PAM: variants seen among roughly 807,000 people sequenced by gnomAD.
The protein encoded by PAM is peptidylglycine alpha-amidating monooxygenase, also known as peptidyl-glycine alpha-amidating monooxygenase.
In PAM, 72 loss-of-function variants were observed where a neutral mutation model predicts 122.1. The ratio of observed to expected loss-of-function variants is 0.59; its 90% CI spans 0.49 to 0.72. PAM has a LOEUF of 0.72. PAM is among the 30% of genes least tolerant of loss of function. PAM has a pLI of 0.00. For missense variants in PAM, 1,106 were observed against 1,183.7 expected (o/e 0.93, Z 0.96); for synonymous variants, 389 against 404.4 (o/e 0.96, Z 0.46).
At chr5:102,860,749 A>G (rs1343235963) in intron 1 of PAM, among the ~76,000 whole-genome samples, 1 of 152,114 alleles carries the variant, frequency 6.6e-6, no homozygotes, top group African/African-American at 2.4e-5. Context: ...GGGGAAAAAA[A>G]TAGTAACAGT....
intron 1 of PAM, among the ~76,000 whole-genome samples, chr5:102,854,884 A>G (rs980633960): frequency 6.6e-6 from 1 of 152,202 alleles, no homozygotes; most frequent in South Asian, 2.1e-4. Context: ...TTCATGGGGA[A>G]TTTGGGGACA....
chr5:103,007,410 G>A (rs1273220731), intron 19 of PAM, 47 bp from the exon 20 acceptor site: 1 of 1,495,288 alleles, frequency 6.7e-7, no homozygotes, highest in South Asian at 1.1e-5. Context: ...GTCAAACTTT[G>A]GGTGATTTTT....
chr5:102,814,576 T>TA (rs2150236691), intron 1 of PAM, among the ~76,000 whole-genome samples: 1 of 146,346 alleles, frequency 6.8e-6, no homozygotes, highest in Admixed American at 6.8e-5. Flanking sequence ...TATACATATA[T>TA]TGATATATAC....
chr5:102,797,245 G>A (rs1004394220), intron 1 of PAM, among the ~76,000 whole-genome samples: 2 of 152,090 alleles, frequency 1.3e-5, no homozygotes, highest in African/African-American at 4.8e-5. Context: ...GTTATTTTAT[G>A]TATCTTCTGT....
intron 7 of PAM, among the ~76,000 whole-genome samples, chr5:102,941,567 A>G (rs1043226906): frequency 6.6e-6 from 1 of 152,138 alleles, no homozygotes; most frequent in African/African-American, 2.4e-5. Context: ...ATTTGCCATG[A>G]CAGCTTAAAG....
At chr5:102,910,128 A>G (rs1800939292) in intron 4 of PAM, among the ~76,000 whole-genome samples, 1 of 151,876 alleles carries the variant, frequency 6.6e-6, no homozygotes, top group African/African-American at 2.4e-5. Flanking sequence ...GCAGACTTGG[A>G]TATCCACTTA....
intron 1 of PAM, among the ~76,000 whole-genome samples, chr5:102,833,407 A>C (rs1775993802): frequency 6.6e-6 from 1 of 152,206 alleles, no homozygotes; most frequent in Non-Finnish European, 1.5e-5. Context: ...TTGTAGAAAC[A>C]ATAAGGATAT....
At chr5:102,954,393 C>T (rs1049974933) in intron 12 of PAM, among the ~76,000 whole-genome samples, 5 of 151,626 alleles carry the variant, frequency 3.3e-5, no homozygotes, top group African/African-American at 4.8e-5. Flanking sequence ...TAAATGAGAA[C>T]ATATGATTAA....
chr5:102,938,203 C>T lies in PAM; in HGVS notation c.527-8634C>T, dbSNP rs578201993. 3.9e-5 allele frequency among the ~76,000 whole-genome samples: 6 copies of T among 152,264 alleles called. No homozygotes were observed. The East Asian group carries it at 9.7e-4, about 25-fold the overall frequency. ...CAGCCTCTTCACATAATTGTGAGCT[C>T]TCTGATTCTCTAGCTTGCTGCATTT... On this transcript the variant is annotated intron_variant, in intron 7 of 25. Coordinates refer to ENST00000438793, the MANE Select transcript of PAM (RefSeq NM_001177306.2).
intron 7 of PAM, among the ~76,000 whole-genome samples, chr5:102,934,541 C>A (rs1752630903): frequency 6.6e-6 from 1 of 152,150 alleles, no homozygotes; most frequent in Non-Finnish European, 1.5e-5. Context: ...ATGTCATCTA[C>A]CAACTCTCCT....
At position 102,880,019 on chromosome 5, in the gene PAM, G is replaced by A. The variant is rs116242261; in HGVS notation, c.210+12626G>A. Among the ~76,000 whole-genome samples the A allele has an allele frequency of 5.9e-3, 895 of 152,262 alleles. 6 individuals carry two copies. The highest frequency in any genetic ancestry group is 0.02 in the African/African-American group (833 of 41,556). ...TGACTGGCTGGGTGCCGTGGCTCAC[G>A]TCTGTAGTCCCAGCACCTTTGGAAG... On this transcript the variant is annotated intron_variant, in intron 3 of 25. Coordinates refer to ENST00000438793, the MANE Select transcript of PAM (RefSeq NM_001177306.2).
rs998703324 is a variant in PAM, at chr5:102,865,979, G to A, written c.-217G>A. 16 of 444,508 alleles carry A rather than the reference G, an allele frequency of 3.6e-5. No homozygotes were observed. Among genetic ancestry groups the A allele is most frequent in the Non-Finnish European group, 6.3e-5 (16 of 255,726 alleles). 27.5% of individuals were successfully genotyped at this position (444,508 alleles called of 1,614,324 possible). ...CGCCTGCGGGCCGGACAAAAGTCCC[G>A]CCTGCCCACGGCTTTTTGCCCGCCG... On this transcript the variant is annotated 5_prime_UTR_variant, in exon 2 of 26. Coordinates refer to ENST00000438793, the MANE Select transcript of PAM (RefSeq NM_001177306.2).
intron 1 of PAM, among the ~76,000 whole-genome samples, chr5:102,773,865 C>G (rs1283507381): frequency 6.6e-6 from 1 of 152,008 alleles, no homozygotes; most frequent in African/African-American, 2.4e-5. Context: ...CTTTTCTCTT[C>G]CTCTCCCTCC....
Position 103,028,893 on chromosome 5 carries a change from G to T in PAM, c.2750G>T (p.Gly917Val), listed in dbSNP as rs137865834. 6.2e-6 allele frequency: 10 copies of T among 1,602,406 alleles called. No homozygotes were observed. ...ATTGTTTGCTTTTTTTCAGGAAAGG[G>T]AAGTGGAGGCTTAAACCTTGGTAAT... ...GRVLGRFRGK[G>V]SGGLNLGNFF... is the part of the protein sequence containing the mutation. The change falls in exon 26 of 26, where the codon GGA (glycine) becomes GTA (valine). Residue 917 changes from glycine (G) to valine (V), a missense_variant. Transcript: ENST00000438793.
chr5:102,878,027 C>T (rs1247195246), intron 3 of PAM, among the ~76,000 whole-genome samples: 1 of 147,182 alleles, frequency 6.8e-6, no homozygotes, highest in Admixed American at 6.8e-5. Context: ...GACCCTTTCT[C>T]AAAAAAAAAG....
chr5:102,791,516 CTTTTA>C (rs959434236), intron 1 of PAM, among the ~76,000 whole-genome samples: 4 of 151,724 alleles, frequency 2.6e-5, no homozygotes, highest in African/African-American at 9.7e-5. Flanking sequence ...TTCCTCTTTT[CTTTTA>C]TATTTGTAAG....
At chr5:102,831,899 G>GC (rs1775586043) in intron 1 of PAM, among the ~76,000 whole-genome samples, 1 of 148,248 alleles carries the variant, frequency 6.7e-6, no homozygotes, top group East Asian at 2.0e-4. Flanking sequence ...TCTCTCCCCC[G>GC]CCCGCCCCTG....
At chr5:102,899,105 T>C (rs1349336759) in intron 3 of PAM, among the ~76,000 whole-genome samples, 2 of 149,570 alleles carry the variant, frequency 1.3e-5, no homozygotes, top group African/African-American at 4.9e-5. Context: ...TCTCTCTTTC[T>C]TCAACTGGCT....
rs1780034173 is a variant in PAM, at chr5:103,009,628, T to G, written c.2216-123T>G. On this transcript the variant is annotated intron_variant, in intron 20 of 25. Coordinates refer to ENST00000438793, the MANE Select transcript of PAM (RefSeq NM_001177306.2). ...ACACTAAGTATTTTATATTCTACTT[T>G]TGTTGCCAATTGTAGGGACCAGGTT... 6.6e-6 allele frequency: 4 copies of G among 602,148 alleles called. No homozygotes were observed. In the South Asian group the frequency reaches 7.0e-5, roughly 10 times the overall value. 37.3% of individuals were successfully genotyped at this position (602,148 alleles called of 1,614,324 possible).
Sources: gnomAD v4.1 joint callset for allele counts (sites outside exome capture counted in the v4.1 genomes callset) on GRCh38, gnomAD v4.1.1 for gene constraint, MANE v1.5 for transcripts, NCBI Gene and HGNC (gene_info 2026-07-23, HGNC 2026-07-21) for gene names.